The following NRG3 variants were observed in gnomAD, a reference collection of about 807,000 sequenced individuals.
NRG3 encodes the protein pro-neuregulin-3, membrane-bound isoform.
A neutral mutation model predicts 66.9 loss-of-function variants in NRG3; 31 were observed. That is an observed-to-expected ratio of 0.46 (90% CI 0.35 to 0.63). The LOEUF is 0.63. Ranked by LOEUF, NRG3 falls within the 20% of genes least tolerant of loss-of-function variation. NRG3 has a pLI of 0.00. For missense variants in NRG3, 910 were observed against 878.9 expected, an observed-to-expected ratio of 1.04 and a Z score of -0.45; for synonymous variants, 393 against 359.4, an observed-to-expected ratio of 1.09 and a Z score of -1.06.
At chr10:82,894,518 G>A (rs544955423) in intron 4 of NRG3, among the ~76,000 whole-genome samples, 2 of 151,238 alleles carry the variant, frequency 1.3e-5, no homozygotes, top group South Asian at 4.2e-4. Context: ...TACCAATTTT[G>A]GTTCTCAGGT....
At chr10:82,333,000 C>T (rs1162383630) in intron 1 of NRG3, among the ~76,000 whole-genome samples, 4 of 152,128 alleles carry the variant, frequency 2.6e-5, no homozygotes, top group African/African-American at 9.7e-5. Flanking sequence ...GATCAACAAT[C>T]GAGTTTTTGA....
intron 2 of NRG3, among the ~76,000 whole-genome samples, chr10:82,547,499 G>A (rs77923139): frequency 2.7e-5 from 4 of 148,976 alleles, no homozygotes; most frequent in Non-Finnish European, 5.9e-5. Flanking sequence ...ATACATATGT[G>A]TATATATATA....
chr10:82,455,614 C>CTT (rs35042088), intron 2 of NRG3, among the ~76,000 whole-genome samples: 25 of 138,174 alleles, frequency 1.8e-4, no homozygotes, highest in African/African-American at 2.1e-4. Context: ...TTACACTAAA[C>CTT]TTTTTTTTTT....
At chr10:82,155,625 A>G (rs1218505987) in intron 1 of NRG3, among the ~76,000 whole-genome samples, 1 of 151,794 alleles carries the variant, frequency 6.6e-6, no homozygotes, top group Non-Finnish European at 1.5e-5. Context: ...TTATGATGGT[A>G]GAGTGAAGCA....
intron 2 of NRG3, among the ~76,000 whole-genome samples, chr10:82,411,497 C>T (rs1408694311): frequency 6.6e-6 from 1 of 152,108 alleles, no homozygotes. Context: ...CCTCAAACAT[C>T]AAATGAAGGC....
intron 2 of NRG3, among the ~76,000 whole-genome samples, chr10:82,378,941 T>A (rs1364399494): frequency 6.6e-6 from 1 of 152,034 alleles, no homozygotes; most frequent in Admixed American, 6.6e-5. Context: ...CTAGGGAGGC[T>A]CAGACTATAA....
intron 1 of NRG3, among the ~76,000 whole-genome samples, chr10:81,885,626 T>C (rs3740351): frequency 2.0e-5 from 3 of 152,310 alleles, no homozygotes; most frequent in Admixed American, 6.5e-5. Flanking sequence ...ATTGTTACTT[T>C]TACAAACTTA....
At chr10:81,926,368 G>A (rs965349992) in intron 1 of NRG3, among the ~76,000 whole-genome samples, 2 of 151,926 alleles carry the variant, frequency 1.3e-5, no homozygotes, top group Admixed American at 6.6e-5. Flanking sequence ...TAATACATCC[G>A]CCTTGGCCTC....
intron 2 of NRG3, among the ~76,000 whole-genome samples, chr10:82,640,366 T>C (rs1280206213): frequency 2.0e-5 from 3 of 152,194 alleles, no homozygotes; most frequent in Admixed American, 2.0e-4. Context: ...CACTTGGGAT[T>C]ACTAAAGCAT....
chr10:82,779,269 A>G (rs1402388443), intron 3 of NRG3, among the ~76,000 whole-genome samples: 3 of 152,088 alleles, frequency 2.0e-5, no homozygotes, highest in African/African-American at 7.2e-5. Context: ...GAAGGTTGCT[A>G]GGGGCCTCCT....
intron 2 of NRG3, among the ~76,000 whole-genome samples, chr10:82,386,126 C>A (rs2085970134): frequency 6.6e-6 from 1 of 152,052 alleles, no homozygotes; most frequent in South Asian, 2.1e-4. Context: ...CATTATTCTA[C>A]CCTCTCTGGT....
chr10:81,891,926 G>T (rs571662121), intron 1 of NRG3, among the ~76,000 whole-genome samples: 1 of 152,030 alleles, frequency 6.6e-6, no homozygotes, highest in Non-Finnish European at 1.5e-5. Flanking sequence ...TCTCTGGCTC[G>T]CTCTCTCCCT....
chr10:82,770,060 A>ACTCCACAC (rs1197090320), intron 3 of NRG3, among the ~76,000 whole-genome samples: 4 of 151,894 alleles, frequency 2.6e-5, no homozygotes, highest in African/African-American at 9.7e-5. Context: ...GCAACCATGA[A>ACTCCACAC]CTCCACACCT....
chr10:82,277,667 C>G (rs2078921294), intron 1 of NRG3, among the ~76,000 whole-genome samples: 1 of 152,034 alleles, frequency 6.6e-6, no homozygotes, highest in African/African-American at 2.4e-5. Flanking sequence ...TATCCTATTG[C>G]TCCGTGCTGG....
chr10:82,043,568 G>C lies in NRG3; in HGVS notation c.823+167405G>C, dbSNP rs138453739. 3.3e-5 allele frequency among the ~76,000 whole-genome samples: 5 copies of C among 151,804 alleles called. No individual in the cohort carries two copies. In the East Asian group the frequency reaches 9.8e-4, roughly 30 times the overall value. ...CTTAATTTTGATCAATTTCTGTTTG[G>C]GTAGTGAATATATTTGGAGTATTTT... On this transcript the variant is annotated intron_variant, in intron 1 of 8. Transcript: ENST00000372141.
chr10:82,170,658 A>G (rs1050691311), intron 1 of NRG3, among the ~76,000 whole-genome samples: 5,268 of 67,784 alleles, frequency 0.078, 286 homozygotes, highest in East Asian at 0.11. Flanking sequence ...CTTGTGGTAT[A>G]TATATATATA....
At chr10:82,424,010 G>A (rs1001084159) in intron 2 of NRG3, among the ~76,000 whole-genome samples, 1 of 151,926 alleles carries the variant, frequency 6.6e-6, no homozygotes, top group Non-Finnish European at 1.5e-5. Context: ...CATTGTATGG[G>A]TATATCAGAT....
chr10:82,086,208 A>AAT (rs2065717370), intron 1 of NRG3, among the ~76,000 whole-genome samples: 1 of 152,126 alleles, frequency 6.6e-6, no homozygotes, highest in South Asian at 2.1e-4. Flanking sequence ...CAGGAGAAAG[A>AAT]ATATCTACAA....
At chr10:82,354,976 A>G (rs2083682612) in intron 1 of NRG3, among the ~76,000 whole-genome samples, 1 of 152,194 alleles carries the variant, frequency 6.6e-6, no homozygotes, top group South Asian at 2.1e-4. Flanking sequence ...CTTCATCCAT[A>G]TAATTGTTTT....
Sources: allele counts gnomAD v4.1 joint callset (sites outside exome capture counted in the v4.1 genomes callset), GRCh38; gene constraint gnomAD v4.1.1; transcripts MANE v1.5; gene names NCBI Gene and HGNC (gene_info 2026-07-23, HGNC 2026-07-21).